NRXN1: variants seen among roughly 807,000 people sequenced by gnomAD.
The protein encoded by NRXN1 is neurexin 1, also known as neurexin-1.
Under a neutral mutation model 150.9 loss-of-function variants are expected in NRXN1, and 39 were observed. The observed-to-expected ratio is 0.26, with a 90% CI of 0.20 to 0.34. The LOEUF is 0.34. Ranked by LOEUF, NRXN1 falls within the 10% of genes least tolerant of loss-of-function variation. The pLI, the probability that NRXN1 is intolerant of heterozygous loss-of-function variation, is 1.00. For missense variants in NRXN1, 1,815 were observed against 1,949.9 expected, an observed-to-expected ratio of 0.93 and a Z score of 1.30; for synonymous variants, 924 against 757.0, an observed-to-expected ratio of 1.22 and a Z score of -3.62.
At chr2:50,923,786 A>G (rs1686447024) in intron 3 of NRXN1, among the ~76,000 whole-genome samples, 1 of 151,818 alleles carries the variant, frequency 6.6e-6, no homozygotes, top group Non-Finnish European at 1.5e-5. Context: ...GAGCTATATA[A>G]CATTACACAT....
At chr2:49,964,033 C>G (rs190665442) in intron 21 of NRXN1, among the ~76,000 whole-genome samples, 1 of 152,280 alleles carries the variant, frequency 6.6e-6, no homozygotes, top group African/African-American at 2.4e-5. Flanking sequence ...CCTAGTCCCA[C>G]AGAGGCACAA....
chr2:50,285,040 GAT>G (rs1186982032), intron 17 of NRXN1, among the ~76,000 whole-genome samples: 11 of 152,214 alleles, frequency 7.2e-5, no homozygotes, highest in African/African-American at 2.6e-4. Flanking sequence ...TTAATAAAAA[GAT>G]AATTATTTAT....
intron 17 of NRXN1, among the ~76,000 whole-genome samples, chr2:50,358,172 GC>G (rs1238621177): frequency 1.3e-5 from 2 of 152,162 alleles, no homozygotes; most frequent in Non-Finnish European, 2.9e-5. Context: ...CAGACACCAA[GC>G]TAGCTGCAGG....
chr2:50,846,399 C>G (rs896199774), intron 5 of NRXN1, among the ~76,000 whole-genome samples: 1 of 152,140 alleles, frequency 6.6e-6, no homozygotes, highest in Non-Finnish European at 1.5e-5. Context: ...AGCCAGTTAA[C>G]AACCTCTGGG....
chr2:50,294,342 A>G (rs972497988), intron 17 of NRXN1, among the ~76,000 whole-genome samples: 1 of 152,234 alleles, frequency 6.6e-6, no homozygotes, highest in African/African-American at 2.4e-5. Flanking sequence ...CAAAAATAAC[A>G]AATTATTTAT....
At position 50,151,070 on chromosome 2, in the gene NRXN1, C is replaced by T. The variant is rs145393468; in HGVS notation, c.3547-59576G>A. On this transcript the variant is annotated intron_variant, in intron 18 of 22. Transcript: ENST00000401669. ...AGTTCTCAGAAACTAAGTTTTTCACCTCAAGGAAAAGCCTAGTCTGCAGTG... is the reference window on the plus strand; with the variant it reads ...AGTTCTCAGAAACTAAGTTTTTCACTTCAAGGAAAAGCCTAGTCTGCAGTG... 4.6e-3 allele frequency among the ~76,000 whole-genome samples: 700 copies of T among 151,726 alleles called. 6 individuals are homozygous for T. The highest frequency in any genetic ancestry group is 0.016 in the African/African-American group (665 of 41,426).
chr2:50,514,110 G>C lies in NRXN1; in HGVS notation c.2375-7493C>G, dbSNP rs944945418. On this transcript the variant is annotated intron_variant, in intron 12 of 22. Transcript: ENST00000401669. ...AAAATTCTACCTAGTTATTTCAGTGGTTAATCTGACTTACTCAATTAAACC... is the reference window on the plus strand; with the variant it reads ...AAAATTCTACCTAGTTATTTCAGTGCTTAATCTGACTTACTCAATTAAACC... Among the ~76,000 whole-genome samples, 6 of 152,164 alleles carry C rather than the reference G, an allele frequency of 3.9e-5. No individual in the cohort carries two copies. In the South Asian group the frequency reaches 1.2e-3, roughly 32 times the overall value.
chr2:50,974,965 GAATT>G (rs1379706797), intron 2 of NRXN1, among the ~76,000 whole-genome samples: 5 of 151,846 alleles, frequency 3.3e-5, no homozygotes, highest in Non-Finnish European at 7.4e-5. Flanking sequence ...ATGAGCCACT[GAATT>G]AATTTTATGA....
chr2:50,228,134 G>C (rs958376009), intron 18 of NRXN1, among the ~76,000 whole-genome samples: 3 of 151,962 alleles, frequency 2.0e-5, no homozygotes, highest in Non-Finnish European at 4.4e-5. Flanking sequence ...CATTGGATTT[G>C]AAAAGCTTAT....
chr2:50,348,899 A>G (rs554378610), intron 17 of NRXN1, among the ~76,000 whole-genome samples: 2 of 151,914 alleles, frequency 1.3e-5, no homozygotes, highest in East Asian at 3.9e-4. Context: ...AACAGGAATG[A>G]TTTCTCACTA....
chr2:50,486,981 G>A (rs563476652), intron 15 of NRXN1, among the ~76,000 whole-genome samples: 6 of 152,184 alleles, frequency 3.9e-5, no homozygotes, highest in East Asian at 1.9e-4. Context: ...GAGATACGAC[G>A]AACCCTTAGA....
At position 50,741,157 on chromosome 2, in the gene NRXN1, T is replaced by G. The variant is rs187090882; in HGVS notation, c.833-117542A>C. Among the ~76,000 whole-genome samples, 15 of 152,292 alleles carry G rather than the reference T, an allele frequency of 9.8e-5. 1 individual carries two copies. Among genetic ancestry groups the G allele is most frequent in the Admixed American group, 6.5e-4 (10 of 15,298 alleles). ...AATTGTCCTCATTATCTTATTTGGC[T>G]GTCTCTCCAAAATAGGGTTACCATT... On this transcript the variant is annotated intron_variant, in intron 5 of 22. Coordinates refer to ENST00000401669, the MANE Select transcript of NRXN1 (RefSeq NM_001330078.2).
At chr2:50,171,465 G>C (rs1366408586) in intron 18 of NRXN1, among the ~76,000 whole-genome samples, 1 of 151,968 alleles carries the variant, frequency 6.6e-6, no homozygotes, top group African/African-American at 2.4e-5. Flanking sequence ...ACACTGTTAT[G>C]GGTGTTGGAA....
intron 2 of NRXN1, among the ~76,000 whole-genome samples, chr2:50,962,377 G>C (rs1035990717): frequency 6.6e-6 from 1 of 151,758 alleles, no homozygotes; most frequent in Admixed American, 6.6e-5. Flanking sequence ...CAAGTTCTAT[G>C]AGAATGCTTT....
At chr2:50,455,592 T>C (rs572556924) in intron 17 of NRXN1, among the ~76,000 whole-genome samples, 1 of 152,332 alleles carries the variant, frequency 6.6e-6, no homozygotes, top group East Asian at 1.9e-4. Context: ...TAATGTCTCC[T>C]GCAGCTAAGA....
chr2:50,582,731 T>C (rs1017471539), intron 8 of NRXN1, among the ~76,000 whole-genome samples: 1 of 151,944 alleles, frequency 6.6e-6, no homozygotes, highest in African/African-American at 2.4e-5. Context: ...AAAATACTTA[T>C]ATGACAAAAG....
At chr2:50,400,625 T>C (rs1364614500) in intron 17 of NRXN1, among the ~76,000 whole-genome samples, 3 of 152,038 alleles carry the variant, frequency 2.0e-5, no homozygotes, top group African/African-American at 7.2e-5. Context: ...AAGGTTCCAT[T>C]GGACTAATGA....
rs192896677 is a variant in NRXN1 at position 50,957,426 on chromosome 2, A to G, written c.773-31471T>C. On this transcript the variant is annotated intron_variant, in intron 2 of 22. Coordinates refer to ENST00000401669, the MANE Select transcript of NRXN1 (RefSeq NM_001330078.2). The stretch of plus-strand genomic sequence containing the variant: ...TTTTGGTTATCATAACTGGGAGTGG[A>G]TATTACCGGCATTTACTGAGTAGAG... Among the ~76,000 whole-genome samples, 622 of 152,268 alleles carry G rather than the reference A, an allele frequency of 4.1e-3. 6 individuals carry two copies. Among genetic ancestry groups the G allele is most frequent in the Middle Eastern group, 0.014 (4 of 294 alleles).
chr2:50,693,255 G>A lies in NRXN1; in HGVS notation c.833-69640C>T, dbSNP rs536662340. The stretch of plus-strand genomic sequence containing the variant: ...TTTGGTAGAGTAATTAACAGAAACA[G>A]AGTGCTTAATGCCAATATGCTAAAT... On this transcript the variant is annotated intron_variant, in intron 5 of 22. Transcript: ENST00000401669. Among the ~76,000 whole-genome samples, 4 of 152,284 alleles carry A rather than the reference G, an allele frequency of 2.6e-5. No individual in the cohort carries two copies. In the South Asian group the frequency reaches 8.3e-4, roughly 32 times the overall value.
Sources: gnomAD v4.1 joint callset for allele counts (sites outside exome capture counted in the v4.1 genomes callset) on GRCh38, gnomAD v4.1.1 for gene constraint, MANE v1.5 for transcripts, NCBI Gene and HGNC (gene_info 2026-07-23, HGNC 2026-07-21) for gene names.